Variants in SPTB observed in about 807,000 individuals in gnomAD.
SPTB encodes the protein spectrin beta, erythrocytic.
In SPTB, 45 loss-of-function variants were observed where a neutral mutation model predicts 256.2. The observed-to-expected ratio is 0.18, with a 90% confidence interval of 0.14 to 0.23. The LOEUF (loss-of-function observed/expected upper bound fraction) is 0.23. Ranked by LOEUF, SPTB falls within the 10% of genes least tolerant of loss-of-function variation. SPTB has a pLI of 1.00. For missense variants in SPTB, 2,715 were observed against 3,040.4 expected (o/e 0.89, Z 2.52); for synonymous variants, 1,231 against 1,243.1 (o/e 0.99, Z 0.21).
chr14:64,783,676 G>T (rs995681677), intron 19 of SPTB, among the ~76,000 whole-genome samples: 2 of 152,172 alleles, frequency 1.3e-5, no homozygotes, highest in Non-Finnish European at 2.9e-5. Context: ...TGATCCTAGG[G>T]CTGCTTTTTC....
intron 9 of SPTB, among the ~76,000 whole-genome samples, chr14:64,798,954 T>C (rs527980260): frequency 6.6e-6 from 1 of 152,304 alleles, no homozygotes; most frequent in Non-Finnish European, 1.5e-5. Context: ...TATGTGTGCA[T>C]GTTTGTGTGT....
At position 64,772,433 on chromosome 14, in the gene SPTB, G is replaced by T; in HGVS notation, c.5553+147C>A. 1 of 1,101,794 alleles carries T rather than the reference G, an allele frequency of 9.1e-7. No homozygotes were observed. The highest frequency in any genetic ancestry group is 1.3e-6 in the Non-Finnish European group (1 of 790,054). The allele number at this position is 1,101,794 out of a possible 1,614,324, so 68.3% of individuals were successfully genotyped here. ...AGCTAAGGAACATCTGAAAGCCACT[G>T]CTCCCAGCCCTGAGCTCCTGGCTGT... is the stretch of plus-strand genomic sequence containing the variant. On this transcript the variant is annotated intron_variant, in intron 26 of 35. Coordinates refer to ENST00000644917, the MANE Select transcript of SPTB (RefSeq NM_001355436.2). The surrounding 1 kb of genome is among the most constrained non-coding windows in gnomAD (Gnocchi z 5.4).
rs2083394749 is a variant in SPTB at position 64,827,641 on chromosome 14, A to T, written c.-51-4496T>A. Among the ~76,000 whole-genome samples, 1 of 152,210 alleles carries T rather than the reference A, an allele frequency of 6.6e-6. No individual in the cohort carries two copies. Among genetic ancestry groups the T allele is most frequent in the Admixed American group, 6.5e-5 (1 of 15,292 alleles). ...CATTGCACATTCACAGGTACCTTAA[A>T]GAATAGTCAAATACACAAAAACACA... On this transcript the variant is annotated intron_variant, in intron 1 of 35. Transcript: ENST00000644917. This position sits in a 1 kb window ranked among gnomAD's most constrained non-coding sequence, Gnocchi z 4.6.
intron 2 of SPTB, among the ~76,000 whole-genome samples, chr14:64,814,523 T>C (rs934715262): frequency 6.6e-6 from 1 of 152,188 alleles, no homozygotes; most frequent in Non-Finnish European, 1.5e-5. Context: ...CTTATTTATT[T>C]ATTTATTTTT....
At chr14:64,851,469 T>TAGTAGTAGC (rs2083784716) in intron 1 of SPTB, among the ~76,000 whole-genome samples, 12 of 152,046 alleles carry the variant, frequency 7.9e-5, no homozygotes, top group African/African-American at 2.7e-4. Flanking sequence ...GCAGTAGTAG[T>TAGTAGTAGC]AGTAGTAGTA....
chr14:64,802,168 C>T lies in SPTB; in HGVS notation c.566+58G>A. On this transcript the variant is annotated intron_variant, in intron 5 of 35. Coordinates refer to ENST00000644917, the MANE Select transcript of SPTB (RefSeq NM_001355436.2). This position sits in a 1 kb window ranked among gnomAD's most constrained non-coding sequence, Gnocchi z 5.1. ...TAATGTCCCTCTGGAGATGGCAGTGCTTGTGCGGAGCAAGGGGCTGGTGGT... is the reference window on the plus strand; with the variant it reads ...TAATGTCCCTCTGGAGATGGCAGTGTTTGTGCGGAGCAAGGGGCTGGTGGT... 6.6e-7 allele frequency: 1 copy of T among 1,518,328 alleles called. No individual in the cohort carries two copies. Among genetic ancestry groups the T allele is most frequent in the Non-Finnish European group, 9.1e-7 (1 of 1,093,686 alleles). 94.1% of individuals were successfully genotyped at this position (1,518,328 alleles called of 1,614,324 possible). A position where few individuals can be genotyped will look rare whatever the true frequency, so the allele number is the denominator to read the frequency against.
Position 64,773,398 on chromosome 14 carries a change from T to A in SPTB, c.5000A>T (p.Gln1667Leu), listed in dbSNP as rs2082308970. 3 of 1,614,170 alleles carry A rather than the reference T, an allele frequency of 1.9e-6. No homozygotes were observed. Among genetic ancestry groups the A allele is most frequent in the Non-Finnish European group, 2.5e-6 (3 of 1,180,034 alleles). Residue 1667 changes from glutamine (Q) to leucine (L), a missense_variant, in exon 25 of 36, where the codon CAA (glutamine) becomes CTA (leucine). Gln to Leu is a moderately radical substitution (Grantham distance 113). This residue lies in a region of SPTB where 2,239 missense variants were observed against 2,384.4 expected (regional missense o/e 0.94). Transcript: ENST00000644917. Reference protein sequence around the residue: ...EGEQIIRLQGQVDKHYAGLKD... With the variant: ...EGEQIIRLQGLVDKHYAGLKD... ...CAGCCCTGCGTAGTGCTTGTCCACT[T>A]GCCCCTGAAGTCTGATGATCTGTTC... is the stretch of plus-strand genomic sequence containing the variant.
chr14:64,813,402 A>C (rs1400902687), intron 2 of SPTB, among the ~76,000 whole-genome samples: 1 of 152,160 alleles, frequency 6.6e-6, no homozygotes, highest in Non-Finnish European at 1.5e-5. Flanking sequence ...TTCTGAAAAC[A>C]ATCATTTCAT....
Position 64,816,640 on chromosome 14 carries a change from G to A in SPTB, c.148+6307C>T, listed in dbSNP as rs1028250052. Among the ~76,000 whole-genome samples, 4 of 152,194 alleles carry A rather than the reference G, an allele frequency of 2.6e-5. No individual in the cohort carries two copies. The highest frequency in any genetic ancestry group is 7.2e-5 in the African/African-American group (3 of 41,438). On this transcript the variant is annotated intron_variant, in intron 2 of 35. Coordinates refer to ENST00000644917, the MANE Select transcript of SPTB (RefSeq NM_001355436.2). The surrounding 1 kb of genome is among the most constrained non-coding windows in gnomAD (Gnocchi z 4.2). ...GTCTCACTAGACTGTAAGATTCTCT[G>A]GTTGATCTACTTTCCCAAGTCTGAA...
rs1413072776 is a variant in SPTB at position 64,796,796 on chromosome 14, C to A, written c.1183-81G>T. On this transcript the variant is annotated intron_variant, in intron 10 of 35. Coordinates refer to ENST00000644917, the MANE Select transcript of SPTB (RefSeq NM_001355436.2). The surrounding 1 kb of genome is among the most constrained non-coding windows in gnomAD (Gnocchi z 4.1). The stretch of plus-strand genomic sequence containing the variant: ...GGGGCTCCACCCCTTTCACCCAACA[C>A]TGAGTGATTTCTGGAATCAAGGTAC... 1.3e-6 allele frequency: 2 copies of A among 1,553,564 alleles called. No homozygotes were observed. The highest frequency in any genetic ancestry group is 1.8e-6 in the Non-Finnish European group (2 of 1,131,182).
chr14:64,776,647 G>A (rs2139520196), intron 22 of SPTB, among the ~76,000 whole-genome samples: 1 of 152,242 alleles, frequency 6.6e-6, no homozygotes, highest in African/African-American at 2.4e-5. Context: ...TTGCCATGTT[G>A]CCCAGGCTGG....
rs1236718181 is a variant in SPTB, at chr14:64,816,294, G to T, written c.148+6653C>A. ...TGAATAAAAAACTCAACATCATCAA[G>T]ATATCAATTTACCCTAAATCAATAT... On this transcript the variant is annotated intron_variant, in intron 2 of 35. Coordinates refer to ENST00000644917, the MANE Select transcript of SPTB (RefSeq NM_001355436.2). This position sits in a 1 kb window ranked among gnomAD's most constrained non-coding sequence, Gnocchi z 4.2. Among the ~76,000 whole-genome samples the T allele has an allele frequency of 1.3e-5, 2 of 152,092 alleles. No individual in the cohort carries two copies. Among genetic ancestry groups the T allele is most frequent in the African/African-American group, 4.8e-5 (2 of 41,402 alleles).
intron 32 of SPTB, among the ~76,000 whole-genome samples, chr14:64,761,293 T>C (rs559101358): frequency 1.3e-5 from 2 of 152,264 alleles, no homozygotes; most frequent in African/African-American, 4.8e-5. Flanking sequence ...AATGGTTTGT[T>C]GAGCTGAGGG....
chr14:64,824,199 C>T lies in SPTB; in HGVS notation c.-51-1054G>A, dbSNP rs994040402. Among the ~76,000 whole-genome samples the T allele has an allele frequency of 3.3e-5, 5 of 151,846 alleles. No individual in the cohort carries two copies. Among genetic ancestry groups the T allele is most frequent in the African/African-American group, 7.3e-5 (3 of 41,308 alleles). ...ATGGCTGGCTTAGGTGGGGACTCGG[C>T]GGGGACTGGTATCAGGGAGGGGAAG... On this transcript the variant is annotated intron_variant, in intron 1 of 35. Coordinates refer to ENST00000644917, the MANE Select transcript of SPTB (RefSeq NM_001355436.2). This position sits in a 1 kb window ranked among gnomAD's most constrained non-coding sequence, Gnocchi z 5.7.
rs1217818309 is a variant in SPTB at position 64,796,791 on chromosome 14, C to T, written c.1183-76G>A. On this transcript the variant is annotated intron_variant, in intron 10 of 35. Transcript: ENST00000644917. This position sits in a 1 kb window ranked among gnomAD's most constrained non-coding sequence, Gnocchi z 4.1. Reference sequence around the variant, plus strand: ...CTTTGGGGGCTCCACCCCTTTCACCCAACACTGAGTGATTTCTGGAATCAA... The same window carrying T: ...CTTTGGGGGCTCCACCCCTTTCACCTAACACTGAGTGATTTCTGGAATCAA... 1.7e-5 allele frequency: 26 copies of T among 1,574,844 alleles called. No individual in the cohort carries two copies. Among genetic ancestry groups the T allele is most frequent in the Non-Finnish European group, 2.3e-5 (26 of 1,149,754 alleles).
intron 8 of SPTB, among the ~76,000 whole-genome samples, chr14:64,800,533 G>A (rs534754639): frequency 5.9e-5 from 9 of 152,282 alleles, no homozygotes; most frequent in East Asian, 3.9e-4. Context: ...CCAGGTGTTC[G>A]CCAGGTACAG....
At chr14:64,763,673 A>T in intron 32 of SPTB, 3 of 514,408 alleles carry the variant, frequency 5.8e-6, no homozygotes, top group Middle Eastern at 6.4e-4. Flanking sequence ...AAGGACTAGA[A>T]CCCAGATGTC....
At chr14:64,817,572 T>C (rs1272724691) in intron 2 of SPTB, among the ~76,000 whole-genome samples, 1 of 152,228 alleles carries the variant, frequency 6.6e-6, no homozygotes, top group African/African-American at 2.4e-5. Context: ...CACCTGAATC[T>C]GTCAACTTAA....
At position 64,747,243 on chromosome 14, in the gene SPTB, G is replaced by A. The variant is rs1447291062; in HGVS notation, c.*2063C>T. On this transcript the variant is annotated 3_prime_UTR_variant, in exon 36 of 36. Transcript: ENST00000644917. The stretch of plus-strand genomic sequence containing the variant: ...TTGTCCCTAGGCTCCCTAAAGACTG[G>A]CCCAGGGAAACAGTTGAGGGAGATG... 2.0e-5 allele frequency: 3 copies of A among 152,492 alleles called. No individual in the cohort carries two copies. The allele number at this position is 152,492 out of a possible 1,614,324, so 9.4% of individuals were successfully genotyped here.
Sources: allele counts gnomAD v4.1 joint callset (sites outside exome capture counted in the v4.1 genomes callset), GRCh38; gene constraint gnomAD v4.1.1; regional missense constraint gnomAD v4.1.1; non-coding constraint Gnocchi (gnomAD v3.1); transcripts MANE v1.5; gene names NCBI Gene and HGNC (gene_info 2026-07-23, HGNC 2026-07-21).